The following ZMYM4 variants were observed in gnomAD, a reference collection of about 807,000 sequenced individuals.
ZMYM4 encodes the protein zinc finger MYM-type protein 4.
Under a neutral mutation model 183.2 loss-of-function variants are expected in ZMYM4, and 31 were observed. The observed-to-expected ratio is 0.17, with a 90% CI of 0.13 to 0.23. ZMYM4 has a LOEUF of 0.23. ZMYM4 is among the 10% of genes least tolerant of loss of function. The pLI, the probability that ZMYM4 is intolerant of heterozygous loss-of-function variation, is 1.00. For missense variants in ZMYM4, 1,273 were observed against 1,840.3 expected (o/e 0.69, Z 5.64); for synonymous variants, 592 against 631.2 (o/e 0.94, Z 0.93).
intron 9 of ZMYM4, 72 bp downstream of exon 9, chr1:35,381,830 A>G (rs1644464755): frequency 6.4e-7 from 1 of 1,553,128 alleles, no homozygotes; most frequent in African/African-American, 1.4e-5. Context: ...AGAATTATTT[A>G]TGAAAATGTT....
At chr1:35,358,588 C>T (rs1172526275) in intron 2 of ZMYM4, among the ~76,000 whole-genome samples, 3 of 151,992 alleles carry the variant, frequency 2.0e-5, no homozygotes, top group East Asian at 3.8e-4. Flanking sequence ...TAGATAGACT[C>T]TGAGAGTTTA....
chr1:35,383,720 T>G (rs1644514397), intron 9 of ZMYM4, among the ~76,000 whole-genome samples: 1 of 152,196 alleles, frequency 6.6e-6, no homozygotes, highest in Non-Finnish European at 1.5e-5. Context: ...AATTTTAAAT[T>G]TATTCTTTAC....
At chr1:35,309,416 A>C (rs1399456935) in intron 1 of ZMYM4, among the ~76,000 whole-genome samples, 1 of 152,224 alleles carries the variant, frequency 6.6e-6, no homozygotes, top group East Asian at 1.9e-4. Context: ...TAGACTTGTA[A>C]GGAAAGGATA....
In ZMYM4 at chr1:35,419,776, A is replaced by G; in HGVS notation, c.*99A>G. 3 of 1,221,560 alleles carry G rather than the reference A, an allele frequency of 2.5e-6. No individual in the cohort carries two copies. Among genetic ancestry groups the G allele is most frequent in the South Asian group, 1.4e-5 (1 of 73,720 alleles). 75.7% of individuals were successfully genotyped at this position (1,221,560 alleles called of 1,614,324 possible). On this transcript the variant is annotated 3_prime_UTR_variant, in exon 30 of 30. Coordinates refer to ENST00000314607, the MANE Select transcript of ZMYM4 (RefSeq NM_005095.3). ...TGATGTATAAGTCTAAGTCCTCTTG[A>G]CTTGACCATAAGATCATGGAAAACA...
At chr1:35,399,757 C>G (rs1301461758) in intron 23 of ZMYM4, among the ~76,000 whole-genome samples, 181 bp downstream of exon 23, 4 of 151,984 alleles carry the variant, frequency 2.6e-5, no homozygotes. Flanking sequence ...TCAGTAGGAA[C>G]TTTTTTTGTT....
At chr1:35,290,186 T>C (rs60624948) in intron 1 of ZMYM4, among the ~76,000 whole-genome samples, 3,195 of 152,312 alleles carry the variant, frequency 0.021, 108 homozygotes, top group African/African-American at 0.073. Flanking sequence ...CAGGCTGGCC[T>C]TGAACTCCTG....
chr1:35,351,371 T>G, intron 2 of ZMYM4: 1 of 1,576,056 alleles, frequency 6.3e-7, no homozygotes, highest in Non-Finnish European at 8.7e-7. Context: ...ATGAAGATGC[T>G]TACAAGAAAC....
chr1:35,359,411 A>G lies in ZMYM4; in HGVS notation c.572A>G (p.Asp191Gly), dbSNP rs1486500328. Residue 191 changes from aspartate to glycine, a missense_variant, in exon 3 of 30, where the codon GAT becomes GGT. Physicochemically the swap from Asp to Gly is moderately conservative, Grantham distance 94. Around this residue, in one of 6 missense-constraint regions of ZMYM4, gnomAD observed 384 missense variants for 465.6 expected, o/e 0.82. Coordinates refer to ENST00000314607, the MANE Select transcript of ZMYM4 (RefSeq NM_005095.3). ...KRLDKPHKDL[D>G]SRLKSSFFDK... is the part of the protein sequence containing the mutation. Reference sequence around the variant, plus strand: ...TTGGATAAACCCCATAAAGATTTGGATTCAAGGTTGAAAAGCAGTTTTTTT... The same window carrying G: ...TTGGATAAACCCCATAAAGATTTGGGTTCAAGGTTGAAAAGCAGTTTTTTT... 10 of 1,573,076 alleles carry G rather than the reference A, an allele frequency of 6.4e-6. 1 individual carries two copies. Among genetic ancestry groups the G allele is most frequent in the African/African-American group, 2.8e-5 (2 of 72,388 alleles).
At chr1:35,336,136 C>G (rs1170816674) in intron 2 of ZMYM4, among the ~76,000 whole-genome samples, 1 of 152,142 alleles carries the variant, frequency 6.6e-6, no homozygotes, top group East Asian at 1.9e-4. Flanking sequence ...GTTTTATCTT[C>G]TAAGAGTTTG....
intron 1 of ZMYM4, among the ~76,000 whole-genome samples, chr1:35,273,890 A>C (rs1471263855): frequency 6.6e-6 from 1 of 152,220 alleles, no homozygotes. Flanking sequence ...GAAAATGTAG[A>C]CTATAAAATG....
At chr1:35,307,346 G>A (rs1641576787) in intron 1 of ZMYM4, among the ~76,000 whole-genome samples, 1 of 152,038 alleles carries the variant, frequency 6.6e-6, no homozygotes, top group African/African-American at 2.4e-5. Context: ...GGGTATGAAT[G>A]CAGTGCAAAA....
rs370354208 is a variant in ZMYM4, at chr1:35,350,294, A to G, written c.86-8631A>G. Among the ~76,000 whole-genome samples the G allele has an allele frequency of 1.0e-4, 15 of 149,794 alleles. No individual in the cohort carries two copies. In the South Asian group the frequency reaches 3.2e-3, roughly 32 times the overall value. Reference sequence around the variant, plus strand: ...AACCATGATTTCTAAAGTTGAAATTACTTTTTTTTTTTGAGACAGAGTCTT... The same window carrying G: ...AACCATGATTTCTAAAGTTGAAATTGCTTTTTTTTTTTGAGACAGAGTCTT... On this transcript the variant is annotated intron_variant, in intron 2 of 29. Coordinates refer to ENST00000314607, the MANE Select transcript of ZMYM4 (RefSeq NM_005095.3).
intron 1 of ZMYM4, among the ~76,000 whole-genome samples, chr1:35,324,003 A>G (rs1383544682): frequency 6.6e-6 from 1 of 152,162 alleles, no homozygotes; most frequent in Admixed American, 6.5e-5. Context: ...ATGTGTTTAT[A>G]AATTACCTGC....
At chr1:35,277,099 G>C (rs1639915359) in intron 1 of ZMYM4, among the ~76,000 whole-genome samples, 1 of 152,172 alleles carries the variant, frequency 6.6e-6, no homozygotes, top group Non-Finnish European at 1.5e-5. Flanking sequence ...ACAGAGCAGT[G>C]GTTCTGAACT....
intron 1 of ZMYM4, among the ~76,000 whole-genome samples, chr1:35,322,988 CTTTT>C (rs1001819426): frequency 1.3e-5 from 2 of 151,278 alleles, no homozygotes; most frequent in South Asian, 2.1e-4. Flanking sequence ...CCACGCCTGG[CTTTT>C]TTGTTTTGTT....
intron 1 of ZMYM4, among the ~76,000 whole-genome samples, chr1:35,301,565 C>A (rs2148748958): frequency 6.7e-6 from 1 of 149,020 alleles, no homozygotes; most frequent in East Asian, 2.0e-4. Context: ...AAAAAAAAGT[C>A]TTGTCTTTTC....
At position 35,272,375 on chromosome 1, in the gene ZMYM4, A is replaced by C. The variant is rs1445782500; in HGVS notation, c.39+3290A>C. The stretch of plus-strand genomic sequence containing the variant: ...TACATGCTAGGCATTGTGCTTTGTT[A>C]CTTAGGGTCATTTAGGATAATATAT... On this transcript the variant is annotated intron_variant, in intron 1 of 29. Coordinates refer to ENST00000314607, the MANE Select transcript of ZMYM4 (RefSeq NM_005095.3). 2.0e-5 allele frequency among the ~76,000 whole-genome samples: 3 copies of C among 152,322 alleles called. No individual in the cohort carries two copies. The East Asian group carries it at 5.8e-4, about 29-fold the overall frequency.
chr1:35,302,102 G>T (rs944240200), intron 1 of ZMYM4, among the ~76,000 whole-genome samples: 4 of 151,772 alleles, frequency 2.6e-5, no homozygotes, highest in African/African-American at 9.7e-5. Flanking sequence ...TTGTCTGAGC[G>T]CAGTCTCTAG....
intron 2 of ZMYM4, chr1:35,350,708 C>A: frequency 2.6e-6 from 1 of 378,338 alleles, no homozygotes; most frequent in South Asian, 2.8e-5. Context: ...AGACAAAGAT[C>A]TCTCTTCTGC....
Sources: allele counts gnomAD v4.1 joint callset (sites outside exome capture counted in the v4.1 genomes callset), GRCh38; gene constraint gnomAD v4.1.1; regional missense constraint gnomAD v4.1.1; transcripts MANE v1.5; gene names NCBI Gene and HGNC (gene_info 2026-07-23, HGNC 2026-07-21).